SLC17A7: variants seen among roughly 807,000 people sequenced by gnomAD.
SLC17A7 encodes vesicular glutamate transporter 1.
Under a neutral mutation model 59.1 loss-of-function variants are expected in SLC17A7, and 15 were observed. That is an observed-to-expected ratio of 0.25 (90% CI 0.17 to 0.39). The LOEUF is 0.39. Among genes scored for constraint, SLC17A7 ranks in the 10% least tolerant of loss-of-function variants. The pLI, the probability that SLC17A7 is intolerant of heterozygous loss-of-function variation, is 1.00. For synonymous variants in SLC17A7, 353 were observed against 308.9 expected, an observed-to-expected ratio of 1.14 and a Z score of -1.50; for missense variants, 499 against 765.1, an observed-to-expected ratio of 0.65 and a Z score of 4.10.
At chr19:49,435,086 A>G in intron 3 of SLC17A7, 82 bp downstream of exon 3, 1 of 1,165,096 alleles carries the variant, frequency 8.6e-7, no homozygotes, top group East Asian at 2.3e-5. Flanking sequence ...TACCAGAGCC[A>G]GCCCGCAAAT....
chr19:49,436,489 G>A lies in SLC17A7; in HGVS notation c.315+60C>T, dbSNP rs1600987754. 6.3e-7 allele frequency: 1 copy of A among 1,582,610 alleles called. No individual in the cohort carries two copies. Among genetic ancestry groups the A allele is most frequent in the Non-Finnish European group, 8.6e-7 (1 of 1,166,846 alleles). Reference sequence around the variant, plus strand: ...TGGTGGGTGAGTGTGACGTCATGGGGGCGTAGGCGGAGCTCGGTGAGCGGG... The same window carrying A: ...TGGTGGGTGAGTGTGACGTCATGGGAGCGTAGGCGGAGCTCGGTGAGCGGG... On this transcript the variant is annotated intron_variant, in intron 2 of 11. Transcript: ENST00000221485. This position sits in a 1 kb window ranked among gnomAD's most constrained non-coding sequence, Gnocchi z 4.1.
Position 49,429,848 on chromosome 19 carries a change from G to T in SLC17A7, c.*671C>A. ...TAGAGAGGCATATTGTTAAAATTGC[G>T]ATTTTGGTTGTTTCCCCAGACATTA... On this transcript the variant is annotated 3_prime_UTR_variant, in exon 12 of 12. Coordinates refer to ENST00000221485, the MANE Select transcript of SLC17A7 (RefSeq NM_020309.4). 3.0e-6 allele frequency: 1 copy of T among 330,832 alleles called. No homozygotes were observed. Among genetic ancestry groups the T allele is most frequent in the Non-Finnish European group, 5.5e-6 (1 of 182,728 alleles). The allele number at this position is 330,832 out of a possible 1,614,324, so 20.5% of individuals were successfully genotyped here. A position where few individuals can be genotyped will look rare whatever the true frequency, so the allele number is the denominator to read the frequency against.
chr19:49,437,129 A>C, intron 1 of SLC17A7: 6 of 391,118 alleles, frequency 1.5e-5, no homozygotes, highest in South Asian at 3.4e-5. Context: ...CTGTGCCCCC[A>C]CTCCGAGGCC....
chr19:49,432,815 C>A lies in SLC17A7; in HGVS notation c.1013G>T (p.Ser338Ile). 6.3e-7 allele frequency: 1 copy of A among 1,589,398 alleles called. No individual in the cohort carries two copies. Among genetic ancestry groups the A allele is most frequent in the Non-Finnish European group, 8.6e-7 (1 of 1,167,574 alleles). The change falls in exon 8 of 12, where the codon AGC (serine) becomes ATC (isoleucine). Residue 338 changes from serine (S) to isoleucine (I), a missense_variant. Physicochemically the swap from Ser to Ile is moderately radical, Grantham distance 142. Coordinates refer to ENST00000221485, the MANE Select transcript of SLC17A7 (RefSeq NM_020309.4). The stretch of plus-strand genomic sequence containing the variant: ...CCCTCTCCTCCTGGGCTCTACCTTG[C>A]TGATCTCGAAGCCGAACACTTCTTC... ...YFEEVFGFEI[S>I]KVGLVSALPH... is the part of the protein sequence containing the mutation.
chr19:49,439,560 G>C (rs1347799336), intron 1 of SLC17A7, among the ~76,000 whole-genome samples: 1 of 152,134 alleles, frequency 6.6e-6, no homozygotes, highest in Non-Finnish European at 1.5e-5. Context: ...TCAAATCATG[G>C]GGCTCATACT....
chr19:49,432,658 G>C lies in SLC17A7; in HGVS notation c.1018-7C>G. On this transcript the variant is annotated splice_region_variant and splice_polypyrimidine_tract_variant and intron_variant, in intron 8 of 11. Coordinates refer to ENST00000221485, the MANE Select transcript of SLC17A7 (RefSeq NM_020309.4). ...GCGCGGACACCAGGCCTACCTGCGGGAACAGGTGTACAGGGACACTAGGGT... is the reference window on the plus strand; with the variant it reads ...GCGCGGACACCAGGCCTACCTGCGGCAACAGGTGTACAGGGACACTAGGGT... The C allele has an allele frequency of 2.0e-6, 3 of 1,525,518 alleles. No individual in the cohort carries two copies. The highest frequency in any genetic ancestry group is 2.6e-6 in the Non-Finnish European group (3 of 1,145,328). The allele number at this position is 1,525,518 out of a possible 1,614,324, so 94.5% of individuals were successfully genotyped here. A position where few individuals can be genotyped will look rare whatever the true frequency, so the allele number is the denominator to read the frequency against.
intron 3 of SLC17A7, 117 bp downstream of exon 3, chr19:49,435,051 C>T (rs1276055178): frequency 8.8e-6 from 9 of 1,017,842 alleles, no homozygotes; most frequent in East Asian, 7.1e-5. Flanking sequence ...CTAAGACCCA[C>T]CCCCAAATCC....
At chr19:49,438,532 A>C (rs1208935701) in intron 1 of SLC17A7, among the ~76,000 whole-genome samples, 1 of 152,052 alleles carries the variant, frequency 6.6e-6, no homozygotes, top group Admixed American at 6.6e-5. Flanking sequence ...GTGAGAACAC[A>C]GCAACCCCTC....
In SLC17A7 at chr19:49,433,948, C is replaced by T. The variant is rs1170313531; in HGVS notation, c.724+12G>A. The T allele has an allele frequency of 2.5e-6, 4 of 1,613,446 alleles. No homozygotes were observed. Among genetic ancestry groups the T allele is most frequent in the East Asian group, 2.2e-5 (1 of 44,868 alleles). On this transcript the variant is annotated intron_variant, in intron 6 of 11. Coordinates refer to ENST00000221485, the MANE Select transcript of SLC17A7 (RefSeq NM_020309.4). This position sits in a 1 kb window ranked among gnomAD's most constrained non-coding sequence, Gnocchi z 5.7. ...CCAGCGCCACCCGGAACCAGGCATCCGGGTCCCTCACCGTAGACGTAGAAA... is the reference window on the plus strand; with the variant it reads ...CCAGCGCCACCCGGAACCAGGCATCTGGGTCCCTCACCGTAGACGTAGAAA...
Position 49,432,657 on chromosome 19 carries a change from G to A in SLC17A7, c.1018-6C>T, listed in dbSNP as rs202161365. ...AGCGCGGACACCAGGCCTACCTGCG[G>A]GAACAGGTGTACAGGGACACTAGGG... On this transcript the variant is annotated splice_region_variant and splice_polypyrimidine_tract_variant and intron_variant, in intron 8 of 11. Transcript: ENST00000221485. The A allele has an allele frequency of 1.4e-5, 21 of 1,531,656 alleles. No homozygotes were observed. The East Asian group carries it at 1.9e-4, about 14-fold the overall frequency. 94.9% of individuals were successfully genotyped at this position (1,531,656 alleles called of 1,614,324 possible).
intron 3 of SLC17A7, 131 bp from the exon 4 acceptor site, chr19:49,435,013 C>T: frequency 3.9e-6 from 4 of 1,017,124 alleles, no homozygotes; most frequent in Non-Finnish European, 6.1e-6. Context: ...TGACTTACAC[C>T]TTCCTCAATC....
Position 49,430,732 on chromosome 19 carries a change from A to C in SLC17A7, c.1470T>G (p.Ala490=), listed in dbSNP as rs565318583. Residue 490 remains alanine (A), a synonymous_variant, in exon 12 of 12, where the codon GCT becomes GCG. Coordinates refer to ENST00000221485, the MANE Select transcript of SLC17A7 (RefSeq NM_020309.4). The part of the protein sequence containing the change: ...YGGVIFYGVF[A]SGEKQPWAEP... Reference sequence around the variant, plus strand: ...CTGCCCACGGCTGCTTCTCTCCAGAAGCAAAGACCCCGTAGAAGATGACAC... The same window carrying C: ...CTGCCCACGGCTGCTTCTCTCCAGACGCAAAGACCCCGTAGAAGATGACAC... 98 of 1,614,146 alleles carry C rather than the reference A, an allele frequency of 6.1e-5. No homozygotes were observed. The South Asian group carries it at 9.4e-4, about 16-fold the overall frequency.
chr19:49,439,820 A>G (rs1311571568), intron 1 of SLC17A7, among the ~76,000 whole-genome samples: 6 of 152,278 alleles, frequency 3.9e-5, no homozygotes, highest in East Asian at 1.9e-4. Context: ...AGAGAGATTG[A>G]CTGTGAGAAA....
rs2078981653 is a variant in SLC17A7, at chr19:49,436,807, G to C, written c.63-6C>G. Reference sequence around the variant, plus strand: ...CCTGCCGCTTCTCCAGAAGGCTGCGGGACAGCAAGAGCCAGAGACTCGGAA... The same window carrying C: ...CCTGCCGCTTCTCCAGAAGGCTGCGCGACAGCAAGAGCCAGAGACTCGGAA... On this transcript the variant is annotated splice_polypyrimidine_tract_variant and splice_region_variant and intron_variant, in intron 1 of 11. Transcript: ENST00000221485. The surrounding 1 kb of genome is among the most constrained non-coding windows in gnomAD (Gnocchi z 4.1). 1.9e-6 allele frequency: 3 copies of C among 1,599,428 alleles called. No homozygotes were observed. The highest frequency in any genetic ancestry group is 2.2e-5 in the East Asian group (1 of 44,854).
chr19:49,430,716 G>C lies in SLC17A7; in HGVS notation c.1486C>G (p.Pro496Ala), dbSNP rs1309967876. ...CTCATCTCCTCAGGCTCTGCCCACG[G>C]CTGCTTCTCTCCAGAAGCAAAGACC... is the stretch of plus-strand genomic sequence containing the variant. ...YGVFASGEKQ[P>A]WAEPEEMSEE... The change falls in exon 12 of 12, where the codon CCG becomes GCG. Residue 496 changes from proline to alanine, a missense_variant. Around this residue, in one of 3 missense-constraint regions of SLC17A7, gnomAD observed 323 missense variants for 607.2 expected, o/e 0.53. Coordinates refer to ENST00000221485, the MANE Select transcript of SLC17A7 (RefSeq NM_020309.4). 1 of 1,614,006 alleles carries C rather than the reference G, an allele frequency of 6.2e-7. No individual in the cohort carries two copies.
chr19:49,436,983 T>G lies in SLC17A7; in HGVS notation c.63-182A>C. ...CCCCCTGATCCAGAAATCCTCCATC[T>G]CCCTCAGACCGGGAATTCAGGCCCC... On this transcript the variant is annotated intron_variant, in intron 1 of 11. Transcript: ENST00000221485. The surrounding 1 kb of genome is among the most constrained non-coding windows in gnomAD (Gnocchi z 4.1). 4.9e-6 allele frequency: 4 copies of G among 812,774 alleles called. No homozygotes were observed. Among genetic ancestry groups the G allele is most frequent in the African/African-American group, 1.8e-5 (1 of 55,650 alleles). The allele number at this position is 812,774 out of a possible 1,614,324, so 50.3% of individuals were successfully genotyped here.
At position 49,431,553 on chromosome 19, in the gene SLC17A7, A is replaced by G; in HGVS notation, c.1151-105T>C. The G allele has an allele frequency of 1.1e-6, 1 of 924,280 alleles. No homozygotes were observed. Among genetic ancestry groups the G allele is most frequent in the Non-Finnish European group, 1.7e-6 (1 of 602,826 alleles). 57.3% of individuals were successfully genotyped at this position (924,280 alleles called of 1,614,324 possible). A position where few individuals can be genotyped will look rare whatever the true frequency, so the allele number is the denominator to read the frequency against. On this transcript the variant is annotated intron_variant, in intron 9 of 11. Transcript: ENST00000221485. The surrounding 1 kb of genome is among the most constrained non-coding windows in gnomAD (Gnocchi z 4.6). ...CCTGCTCCAGCCCCAAACCGCGTCTATCCACCCCAGTCTGGCCACCTCCAC... is the reference window on the plus strand; with the variant it reads ...CCTGCTCCAGCCCCAAACCGCGTCTGTCCACCCCAGTCTGGCCACCTCCAC...
chr19:49,438,225 A>T (rs150698613), intron 1 of SLC17A7: 1 of 152,788 alleles, frequency 6.5e-6, no homozygotes, highest in Non-Finnish European at 1.5e-5. Context: ...AACCTAGAGA[A>T]GGAAGCAGAC....
At position 49,431,266 on chromosome 19, in the gene SLC17A7, C is replaced by A; in HGVS notation, c.1261+72G>T. The A allele has an allele frequency of 1.3e-6, 2 of 1,584,618 alleles. No individual in the cohort carries two copies. Among genetic ancestry groups the A allele is most frequent in the Non-Finnish European group, 8.6e-7 (1 of 1,158,908 alleles). On this transcript the variant is annotated intron_variant, in intron 10 of 11. Coordinates refer to ENST00000221485, the MANE Select transcript of SLC17A7 (RefSeq NM_020309.4). The surrounding 1 kb of genome is among the most constrained non-coding windows in gnomAD (Gnocchi z 4.6). ...TCCACCTTTTGTGAGGCTGAGAGGCCCCGTTCCTGAGCCAGGAAGTTCCCT... is the reference window on the plus strand; with the variant it reads ...TCCACCTTTTGTGAGGCTGAGAGGCACCGTTCCTGAGCCAGGAAGTTCCCT...
Sources: allele counts gnomAD v4.1 joint callset (sites outside exome capture counted in the v4.1 genomes callset), GRCh38; gene constraint gnomAD v4.1.1; regional missense constraint gnomAD v4.1.1; non-coding constraint Gnocchi (gnomAD v3.1); transcripts MANE v1.5; gene names NCBI Gene and HGNC (gene_info 2026-07-23, HGNC 2026-07-21).